The following LRP4 variants were observed in gnomAD, a reference collection of about 807,000 sequenced individuals.
LRP4 encodes the protein low-density lipoprotein receptor-related protein 4.
Under a neutral mutation model 220.3 loss-of-function variants are expected in LRP4, and 95 were observed. That is an observed-to-expected ratio of 0.43 (90% CI 0.37 to 0.51). The LOEUF is 0.51. Ranked by LOEUF, LRP4 falls within the 20% of genes least tolerant of loss-of-function variation. The pLI is 0.00. For missense variants in LRP4, 1,925 were observed against 2,567.0 expected, an observed-to-expected ratio of 0.75 and a Z score of 5.40; for synonymous variants, 903 against 954.6, an observed-to-expected ratio of 0.95 and a Z score of 1.00.
In LRP4 at chr11:46,873,332, GC is replaced by G. The variant is rs1351684422; in HGVS notation, c.4448+42del. The G allele has an allele frequency of 6.2e-7, 1 of 1,612,000 alleles. No individual in the cohort carries two copies. Among genetic ancestry groups the G allele is most frequent in the East Asian group, 2.2e-5 (1 of 44,810 alleles). ...CCCACTAACACCATCTTTCCACCCA[GC>G]CCTTCTTCCCTGGATCTCTCTTCTG... On this transcript the variant is annotated intron_variant, in intron 29 of 37. Coordinates refer to ENST00000378623, the MANE Select transcript of LRP4 (RefSeq NM_002334.4). This position sits in a 1 kb window ranked among gnomAD's most constrained non-coding sequence, Gnocchi z 4.2.
intron 15 of LRP4, 168 bp from the exon 16 acceptor site, chr11:46,889,701 G>A: frequency 2.2e-6 from 2 of 919,352 alleles, no homozygotes; most frequent in Non-Finnish European, 3.4e-6. Context: ...CGGCACAGAG[G>A]AGATGCCCTG....
chr11:46,865,771 A>G (rs1417514872), intron 34 of LRP4, among the ~76,000 whole-genome samples: 2 of 152,240 alleles, frequency 1.3e-5, no homozygotes, highest in East Asian at 3.8e-4. Flanking sequence ...TGGAACCAAG[A>G]TGCACTGAAT....
rs755299278 is a variant in LRP4 at position 46,899,859 on chromosome 11, C to T, written c.430+4G>A. ...GCCTGCCTTCCCCCGTTGGGGTCACCCACCACACTGCTCATCGCTGTTGTC... is the reference window on the plus strand; with the variant it reads ...GCCTGCCTTCCCCCGTTGGGGTCACTCACCACACTGCTCATCGCTGTTGTC... On this transcript the variant is annotated splice_donor_region_variant and intron_variant, in intron 4 of 37. Transcript: ENST00000378623. The surrounding 1 kb of genome is among the most constrained non-coding windows in gnomAD (Gnocchi z 5.9). 5 of 1,613,464 alleles carry T rather than the reference C, an allele frequency of 3.1e-6. No homozygotes were observed. The highest frequency in any genetic ancestry group is 4.2e-6 in the Non-Finnish European group (5 of 1,179,762).
At chr11:46,866,577 C>T (rs1231253161) in intron 34 of LRP4, among the ~76,000 whole-genome samples, 3 of 152,136 alleles carry the variant, frequency 2.0e-5, no homozygotes, top group East Asian at 3.9e-4. Flanking sequence ...TGAGCCACTG[C>T]GCCTGGCCCA....
intron 2 of LRP4, among the ~76,000 whole-genome samples, chr11:46,902,277 T>C (rs1941679547): frequency 6.6e-6 from 1 of 151,186 alleles, no homozygotes. Flanking sequence ...GAGAATCACT[T>C]GAACCTGGGA....
At chr11:46,881,424 C>T (rs1054463897) in intron 20 of LRP4, among the ~76,000 whole-genome samples, 4 of 152,178 alleles carry the variant, frequency 2.6e-5, no homozygotes, top group African/African-American at 9.6e-5. Context: ...TGCTGGTTAA[C>T]AGGAAATTCT....
At chr11:46,862,387 T>G (rs1490009246) in intron 37 of LRP4, among the ~76,000 whole-genome samples, 2 of 152,192 alleles carry the variant, frequency 1.3e-5, no homozygotes, top group Non-Finnish European at 2.9e-5. Flanking sequence ...GAGATCTGCC[T>G]TCTAACCTGG....
At position 46,895,984 on chromosome 11, in the gene LRP4, G is replaced by A. The variant is rs758811232; in HGVS notation, c.1083C>T (p.Asn361=). The A allele has an allele frequency of 6.2e-7, 1 of 1,614,154 alleles. No homozygotes were observed. The highest frequency in any genetic ancestry group is 1.7e-5 in the Admixed American group (1 of 60,032). The part of the protein sequence containing the change: ...PRTGEENCNV[N]NGGCAQKCQM... ...GGCACTTCTGGGCACAGCCACCGTT[G>A]TTAACATTGCAGTTCTCCTCACCCG... The change falls in exon 10 of 38, where the codon AAC becomes AAT. Residue 361 remains asparagine (N), a synonymous_variant. Coordinates refer to ENST00000378623, the MANE Select transcript of LRP4 (RefSeq NM_002334.4).
At chr11:46,907,686 G>T (rs1485401997) in intron 1 of LRP4, among the ~76,000 whole-genome samples, 1 of 151,386 alleles carries the variant, frequency 6.6e-6, no homozygotes, top group East Asian at 2.0e-4. Flanking sequence ...ACATCCATCT[G>T]GTATACAAGA....
At chr11:46,866,478 A>C (rs1254142438) in intron 34 of LRP4, among the ~76,000 whole-genome samples, 2 of 151,996 alleles carry the variant, frequency 1.3e-5, no homozygotes, top group African/African-American at 4.8e-5. Flanking sequence ...TAGAGATAGG[A>C]TCTCACTATG....
intron 34 of LRP4, 135 bp from the exon 35 acceptor site, chr11:46,865,321 G>C: frequency 1.4e-6 from 1 of 715,158 alleles, no homozygotes; most frequent in Non-Finnish European, 2.6e-6. Context: ...GACATCAGAA[G>C]CATGGAGAGG....
chr11:46,917,478 G>C (rs1372995164), intron 1 of LRP4, among the ~76,000 whole-genome samples: 1 of 152,166 alleles, frequency 6.6e-6, no homozygotes, highest in African/African-American at 2.4e-5. Flanking sequence ...ACACAACAGG[G>C]GGTACGGGCA....
Position 46,890,098 on chromosome 11 carries a change from G to GATGGCGAA in LRP4, c.1930_1937dup (p.Thr647SerfsTer167). The GATGGCGAA allele has an allele frequency of 3.1e-6, 5 of 1,614,182 alleles. No individual in the cohort carries two copies. The highest frequency in any genetic ancestry group is 4.2e-6 in the Non-Finnish European group (5 of 1,180,048). Reference sequence around the variant, plus strand: ...AGTACAGGCTGTCTTCAAACACTGTGATGGCGAAGGGATGCGGGAGGCCTG... The same window carrying GATGGCGAA: ...AGTACAGGCTGTCTTCAAACACTGTGATGGCGAAATGGCGAAGGGATGCGGGAGGCCTG... On this transcript the variant is annotated frameshift_variant, in exon 15 of 38. Transcript: ENST00000378623. LOFTEE classifies it high-confidence loss of function. This position sits in a 1 kb window ranked among gnomAD's most constrained non-coding sequence, Gnocchi z 5.3.
At chr11:46,872,073 A>G (rs1241965915) in intron 30 of LRP4, among the ~76,000 whole-genome samples, 3 of 152,022 alleles carry the variant, frequency 2.0e-5, no homozygotes, top group Non-Finnish European at 4.4e-5. Flanking sequence ...CCTGGCCAAC[A>G]TGGTGAAACC....
At position 46,873,953 on chromosome 11, in the gene LRP4, A is replaced by G. The variant is rs1940940811; in HGVS notation, c.4230-360T>C. On this transcript the variant is annotated intron_variant, in intron 28 of 37. Transcript: ENST00000378623. The surrounding 1 kb of genome is among the most constrained non-coding windows in gnomAD (Gnocchi z 4.2). ...CAGATTTGTCAAAACCAACCTGTGCATTTTTTAAAAGTTAAAAACAATTTT... is the reference window on the plus strand; with the variant it reads ...CAGATTTGTCAAAACCAACCTGTGCGTTTTTTAAAAGTTAAAAACAATTTT... The G allele has an allele frequency of 1.1e-5, 3 of 270,232 alleles. No homozygotes were observed. The highest frequency in any genetic ancestry group is 2.1e-5 in the Non-Finnish European group (3 of 143,426). The allele number at this position is 270,232 out of a possible 1,614,324, so 16.7% of individuals were successfully genotyped here.
chr11:46,879,155 A>G lies in LRP4; in HGVS notation c.2975T>C (p.Ile992Thr). The G allele has an allele frequency of 6.2e-7, 1 of 1,614,170 alleles. No homozygotes were observed. The highest frequency in any genetic ancestry group is 8.5e-7 in the Non-Finnish European group (1 of 1,180,014). The change falls in exon 21 of 38, where the codon ATC becomes ACC. Residue 992 changes from isoleucine to threonine, a missense_variant. By Grantham distance (89) the Ile-to-Thr change is moderately conservative. Coordinates refer to ENST00000378623, the MANE Select transcript of LRP4 (RefSeq NM_002334.4). ...GGGCCGGCGGCGGTGGAAGACATGG[A>G]TGTCCATTAGGTTTTCCAGGTTCTC... ...LQENLENLMD[I>T]HVFHRRRPPV... is the part of the protein sequence containing the mutation.
intron 37 of LRP4, 47 bp from the exon 38 acceptor site, chr11:46,859,362 A>C (rs746893889): frequency 7.2e-7 from 1 of 1,394,988 alleles, no homozygotes; most frequent in South Asian, 1.2e-5. Context: ...GGCCTTCTAC[A>C]AAGGATCCCA....
chr11:46,903,257 G>A (rs993801431), intron 1 of LRP4, among the ~76,000 whole-genome samples: 16 of 152,180 alleles, frequency 1.1e-4, no homozygotes, highest in Non-Finnish European at 2.2e-4. Context: ...ACTTTGAGGG[G>A]CTGAGATGGG....
chr11:46,902,901 A>C lies in LRP4; in HGVS notation c.81T>G (p.Cys27Trp). 1 of 1,614,112 alleles carries C rather than the reference A, an allele frequency of 6.2e-7. No individual in the cohort carries two copies. The highest frequency in any genetic ancestry group is 8.5e-7 in the Non-Finnish European group (1 of 1,180,028). Residue 27 changes from cysteine (C) to tryptophan (W), a missense_variant, in exon 2 of 38, where the codon TGT becomes TGG. Physicochemically the swap from Cys to Trp is radical, Grantham distance 215. Coordinates refer to ENST00000378623, the MANE Select transcript of LRP4 (RefSeq NM_002334.4). ...CTGCACATGTGAAGTGGCTCCGACC[A>C]CAAGCACACTCGGGGCTGCTGGCCA... ...HGLASSPECACGRSHFTCAVS... is the reference protein window; with the variant it reads ...HGLASSPECAWGRSHFTCAVS...
Sources: allele counts gnomAD v4.1 joint callset (sites outside exome capture counted in the v4.1 genomes callset), GRCh38; gene constraint gnomAD v4.1.1; non-coding constraint Gnocchi (gnomAD v3.1); transcripts MANE v1.5; gene names NCBI Gene and HGNC (gene_info 2026-07-23, HGNC 2026-07-21).